Variants in AGAP5 observed in about 807,000 individuals in gnomAD.
AGAP5 encodes arf-GAP with GTPase, ANK repeat and PH domain-containing protein 5.
AGAP5 carries 8 observed loss-of-function variants against 27.7 expected under a neutral mutation model. That is an observed-to-expected ratio of 0.29 (90% CI 0.17 to 0.52). The LOEUF (loss-of-function observed/expected upper bound fraction) is 0.52. AGAP5 is among the 20% of genes least tolerant of loss of function. The pLI, the probability that AGAP5 is intolerant of heterozygous loss-of-function variation, is 0.97. For synonymous variants in AGAP5, 111 were observed against 338.0 expected, an observed-to-expected ratio of 0.33 and a Z score of 7.37; for missense variants, 285 against 880.8, an observed-to-expected ratio of 0.32 and a Z score of 8.56.
intron 1 of AGAP5, 129 bp from the exon 2 acceptor site, chr10:73,697,292 A>T: frequency 6.8e-7 from 1 of 1,463,414 alleles, no homozygotes; most frequent in Non-Finnish European, 9.2e-7. Flanking sequence ...TGGGAGAATG[A>T]GATGAGAGAG....
Position 73,697,814 on chromosome 10 carries a change from T to C in AGAP5, c.-59A>G, listed in dbSNP as rs1208490840. 4.3e-5 allele frequency: 68 copies of C among 1,592,144 alleles called. No homozygotes were observed. On this transcript the variant is annotated 5_prime_UTR_variant, in exon 1 of 8. Coordinates refer to ENST00000374094, the MANE Select transcript of AGAP5 (RefSeq NM_001144000.4). ...TCTGCTCACAGCTTTGGCCACACAC[T>C]CCCACTGTCCTAGGCCGAGGCTATG...
chr10:73,689,277 G>A (rs1488531617), intron 4 of AGAP5, among the ~76,000 whole-genome samples: 6 of 152,348 alleles, frequency 3.9e-5, no homozygotes, highest in Admixed American at 3.9e-4. Flanking sequence ...ACGGAGTCTC[G>A]TTCACTCAGT....
At chr10:73,697,213 T>A in intron 1 of AGAP5, 50 bp from the exon 2 acceptor site, 1 of 1,587,902 alleles carries the variant, frequency 6.3e-7, no homozygotes. Flanking sequence ...TTTATAAAAA[T>A]TTATCAACTC....
chr10:73,674,428 T>C lies in AGAP5; in HGVS notation c.*171A>G. Reference sequence around the variant, plus strand: ...TCCACCTTGGCAAAAGGACATAAAATATGTCTTATGGTCAGAAAAATCAAC... The same window carrying C: ...TCCACCTTGGCAAAAGGACATAAAACATGTCTTATGGTCAGAAAAATCAAC... On this transcript the variant is annotated 3_prime_UTR_variant, in exon 8 of 8. Transcript: ENST00000374094. 1 of 1,387,208 alleles carries C rather than the reference T, an allele frequency of 7.2e-7. No individual in the cohort carries two copies. The highest frequency in any genetic ancestry group is 9.7e-7 in the Non-Finnish European group (1 of 1,030,026). The allele number at this position is 1,387,208 out of a possible 1,614,324, so 85.9% of individuals were successfully genotyped here.
At chr10:73,689,414 C>G (rs1168934852) in intron 4 of AGAP5, among the ~76,000 whole-genome samples, 1 of 149,292 alleles carries the variant, frequency 6.7e-6, no homozygotes, top group Non-Finnish European at 1.5e-5. Flanking sequence ...GCCACCCCGT[C>G]TGGGAAGTGA....
intron 2 of AGAP5, among the ~76,000 whole-genome samples, chr10:73,695,504 A>G (rs981070679): frequency 6.6e-6 from 1 of 152,238 alleles, no homozygotes; most frequent in African/African-American, 2.4e-5. Flanking sequence ...TGTAACATCC[A>G]TCAGGCTTTC....
Position 73,697,711 on chromosome 10 carries a change from G to A in AGAP5, c.45C>T (p.Leu15=), listed in dbSNP as rs377127451. ...LTCCVHPSVS[L]EFDQQQGSVC... ...CCGACCCCTGTTGCTGGTCAAACTC[G>A]AGGCTGACGCTAGGGTGCACACAAC... The change falls in exon 1 of 8, where the codon CTC becomes CTT. Residue 15 remains leucine, a synonymous_variant. Coordinates refer to ENST00000374094, the MANE Select transcript of AGAP5 (RefSeq NM_001144000.4). 3.8e-6 allele frequency: 6 copies of A among 1,598,124 alleles called. No homozygotes were observed. The highest frequency in any genetic ancestry group is 2.2e-5 in the East Asian group (1 of 44,876).
chr10:73,689,391 C>T (rs1464115987), intron 4 of AGAP5, among the ~76,000 whole-genome samples: 1 of 152,184 alleles, frequency 6.6e-6, no homozygotes, highest in African/African-American at 2.4e-5. Flanking sequence ...GAGATTGCAG[C>T]CTCTGCCCAG....
At position 73,696,700 on chromosome 10, in the gene AGAP5, A is replaced by G. The variant is rs191861204; in HGVS notation, c.292+395T>C. Among the ~76,000 whole-genome samples, 130 of 152,332 alleles carry G rather than the reference A, an allele frequency of 8.5e-4. 1 individual carries two copies. The highest frequency in any genetic ancestry group is 2.6e-3 in the African/African-American group (107 of 41,576). On this transcript the variant is annotated intron_variant, in intron 2 of 7. Coordinates refer to ENST00000374094, the MANE Select transcript of AGAP5 (RefSeq NM_001144000.4). ...GCTGTGACATTTCACACCTTTCACAATTATTTTAAGCACTCTTTTTTCTTT... is the reference window on the plus strand; with the variant it reads ...GCTGTGACATTTCACACCTTTCACAGTTATTTTAAGCACTCTTTTTTCTTT...
At chr10:73,690,572 C>T (rs1161224303) in intron 4 of AGAP5, among the ~76,000 whole-genome samples, 1 of 148,654 alleles carries the variant, frequency 6.7e-6, no homozygotes, top group Non-Finnish European at 1.5e-5. Context: ...CCTGCCAAAT[C>T]CCCCTCTGCG....
intron 4 of AGAP5, among the ~76,000 whole-genome samples, chr10:73,690,690 A>G (rs894825532): frequency 3.3e-5 from 5 of 152,110 alleles, no homozygotes; most frequent in African/African-American, 1.2e-4. Flanking sequence ...TGTACTCTCT[A>G]TCAAAGAGGA....
intron 2 of AGAP5, among the ~76,000 whole-genome samples, chr10:73,696,175 G>C (rs1355000142): frequency 9.2e-5 from 14 of 152,134 alleles, no homozygotes; most frequent in Admixed American, 9.2e-4. Flanking sequence ...ACTACACCCA[G>C]CTAATTTTTG....
intron 6 of AGAP5, among the ~76,000 whole-genome samples, chr10:73,679,739 C>T (rs1207001082): frequency 1.3e-5 from 2 of 152,162 alleles, no homozygotes; most frequent in Non-Finnish European, 1.5e-5. Flanking sequence ...ATGCACAAGA[C>T]AGTCCTTACA....
intron 6 of AGAP5, among the ~76,000 whole-genome samples, chr10:73,677,593 C>A (rs1245129105): frequency 6.6e-6 from 1 of 151,014 alleles, no homozygotes; most frequent in Non-Finnish European, 1.5e-5. Context: ...ACCATGTTGG[C>A]CAGGCTGGTC....
At chr10:73,696,073 C>T (rs1335397119) in intron 2 of AGAP5, among the ~76,000 whole-genome samples, 1 of 151,960 alleles carries the variant, frequency 6.6e-6, no homozygotes, top group Non-Finnish European at 1.5e-5. Flanking sequence ...AGTGCATTGG[C>T]GTGATCTCTG....
chr10:73,689,569 A>T (rs1030505442), intron 4 of AGAP5, among the ~76,000 whole-genome samples: 7 of 147,582 alleles, frequency 4.7e-5, no homozygotes, highest in African/African-American at 1.8e-4. Flanking sequence ...CCGCCATCCC[A>T]TCTAGGAAGT....
At chr10:73,689,315 G>A (rs1347375815) in intron 4 of AGAP5, among the ~76,000 whole-genome samples, 1 of 152,236 alleles carries the variant, frequency 6.6e-6, no homozygotes, top group Non-Finnish European at 1.5e-5. Context: ...CTGGAGTGCA[G>A]TGGCGTGATC....
At position 73,674,740 on chromosome 10, in the gene AGAP5, T is replaced by G. The variant is rs3998251; in HGVS notation, c.1920A>C (p.Ala640=). Residue 640 remains alanine, a synonymous_variant, in exon 8 of 8, where the codon GCA becomes GCC. Coordinates refer to ENST00000374094, the MANE Select transcript of AGAP5 (RefSeq NM_001144000.4). The part of the protein sequence containing the change: ...LACRKGNVVL[A]QLLIWYGVDV... ...CCACCCCGTACCAGATCAGGAGCTG[T>G]GCCAGGACCACATTCCCCTTGCGGC... The G allele has an allele frequency of 6.3e-7, 1 of 1,598,798 alleles. No homozygotes were observed. Among genetic ancestry groups the G allele is most frequent in the Admixed American group, 1.7e-5 (1 of 58,230 alleles).
Position 73,697,769 on chromosome 10 carries a change from T to C in AGAP5, c.-14A>G. The C allele has an allele frequency of 1.3e-6, 2 of 1,597,516 alleles. No homozygotes were observed. The highest frequency in any genetic ancestry group is 1.7e-6 in the Non-Finnish European group (2 of 1,179,712). ...TATGTTCCCCATGGGGCGCCTCTAC[T>C]GTCTGCCACCACCTGTGCCTCTGCT... On this transcript the variant is annotated 5_prime_UTR_variant, in exon 1 of 8. Coordinates refer to ENST00000374094, the MANE Select transcript of AGAP5 (RefSeq NM_001144000.4).
Sources: allele counts gnomAD v4.1 joint callset (sites outside exome capture counted in the v4.1 genomes callset), GRCh38; gene constraint gnomAD v4.1.1; transcripts MANE v1.5; gene names NCBI Gene and HGNC (gene_info 2026-07-23, HGNC 2026-07-21).